The following SNTG1 variants were observed in gnomAD, a reference collection of about 807,000 sequenced individuals.
SNTG1 encodes the protein syntrophin gamma 1.
Under a neutral mutation model 74.7 loss-of-function variants are expected in SNTG1, and 39 were observed. The observed-to-expected ratio is 0.52, with a 90% CI of 0.40 to 0.68. The LOEUF is 0.68. Ranked by LOEUF, SNTG1 falls within the 30% of genes least tolerant of loss-of-function variation. SNTG1 has a pLI of 0.00. For synonymous variants in SNTG1, 254 were observed against 217.1 expected (o/e 1.17, Z -1.49); for missense variants, 685 against 609.5 (o/e 1.12, Z -1.30).
chr8:50,470,631 C>T (rs566053776), intron 8 of SNTG1, among the ~76,000 whole-genome samples: 1 of 152,230 alleles, frequency 6.6e-6, no homozygotes, highest in African/African-American at 2.4e-5. Context: ...GTGAGTGTTA[C>T]AGCTCTTAAA....
At chr8:50,642,604 TC>T (rs1339194912) in intron 13 of SNTG1, among the ~76,000 whole-genome samples, 1 of 152,134 alleles carries the variant, frequency 6.6e-6, no homozygotes, top group Non-Finnish European at 1.5e-5. Context: ...ATCCTTGCTG[TC>T]CCCTCAGCCT....
At chr8:50,001,209 C>T (rs967595422) in intron 1 of SNTG1, among the ~76,000 whole-genome samples, 3 of 151,968 alleles carry the variant, frequency 2.0e-5, no homozygotes, top group Admixed American at 6.6e-5. Flanking sequence ...AATGAGGGTT[C>T]GGTCTGTGTG....
At chr8:50,777,674 T>TC (rs1491499429) in intron 18 of SNTG1, among the ~76,000 whole-genome samples, 1 of 151,444 alleles carries the variant, frequency 6.6e-6, no homozygotes, top group Admixed American at 6.6e-5. Flanking sequence ...TTTCTTTTTT[T>TC]CTCTCTCTCT....
chr8:50,214,456 T>C (rs1309958277), intron 2 of SNTG1, among the ~76,000 whole-genome samples: 1 of 151,978 alleles, frequency 6.6e-6, no homozygotes, highest in Non-Finnish European at 1.5e-5. Flanking sequence ...ATCAAAATTT[T>C]ATATTCTCTT....
At chr8:50,781,450 A>G (rs527978802) in intron 18 of SNTG1, among the ~76,000 whole-genome samples, 2 of 151,460 alleles carry the variant, frequency 1.3e-5, no homozygotes, top group East Asian at 3.9e-4. Flanking sequence ...TCCGTTTACC[A>G]TTATGTAATG....
intron 2 of SNTG1, among the ~76,000 whole-genome samples, chr8:50,200,849 A>C (rs11778998): frequency 0.3 from 46,286 of 151,932 alleles, 7,157 homozygotes; most frequent in South Asian, 0.42. Flanking sequence ...ACCAAAAAAA[A>C]CCTCTAAGTA....
chr8:50,037,275 A>C (rs1818245946), intron 1 of SNTG1, among the ~76,000 whole-genome samples: 1 of 152,198 alleles, frequency 6.6e-6, no homozygotes, highest in African/African-American at 2.4e-5. Flanking sequence ...TCTATAGTAA[A>C]CCAGTGCTTC....
chr8:50,440,336 T>C (rs976379505), intron 5 of SNTG1, among the ~76,000 whole-genome samples: 4 of 152,024 alleles, frequency 2.6e-5, no homozygotes, highest in Admixed American at 1.3e-4. Context: ...TACTTTCTCA[T>C]ACTTACCTCT....
chr8:49,958,026 G>C (rs1428155514), intron 1 of SNTG1, among the ~76,000 whole-genome samples: 4 of 152,158 alleles, frequency 2.6e-5, no homozygotes, highest in Non-Finnish European at 4.4e-5. Context: ...AAATTCTGCT[G>C]TCCAAGTTTA....
At position 50,794,248 on chromosome 8, in the gene SNTG1, A is replaced by G. The variant is rs977439501; in HGVS notation, c.*1419A>G. On this transcript the variant is annotated 3_prime_UTR_variant, in exon 19 of 19. Transcript: ENST00000642720. ...TTTTTTTTCAAATATGTTTTTAAAA[A>G]TCACTCAAGAAGGAAACAAAGTGAT... The G allele has an allele frequency of 3.9e-5, 6 of 151,954 alleles. No homozygotes were observed. Among genetic ancestry groups the G allele is most frequent in the Admixed American group, 2.6e-4 (4 of 15,196 alleles). The allele number at this position is 151,954 out of a possible 1,614,324, so 9.4% of individuals were successfully genotyped here.
intron 1 of SNTG1, among the ~76,000 whole-genome samples, chr8:49,963,630 C>T (rs1810889737): frequency 6.6e-6 from 1 of 152,170 alleles, no homozygotes; most frequent in African/African-American, 2.4e-5. Context: ...ATTCTGTCAG[C>T]TGGGTGGAAT....
intron 8 of SNTG1, among the ~76,000 whole-genome samples, chr8:50,484,161 C>CTTCTTTCT (rs2093767931): frequency 2.5e-5 from 1 of 40,210 alleles, no homozygotes; most frequent in Non-Finnish European, 5.8e-5. Context: ...TCCTTCCTTC[C>CTTCTTTCT]TTCCTTCCTT....
chr8:50,208,626 C>G (rs1042119624), intron 2 of SNTG1, among the ~76,000 whole-genome samples: 1 of 152,182 alleles, frequency 6.6e-6, no homozygotes, highest in African/African-American at 2.4e-5. Flanking sequence ...GGTTATGTTG[C>G]TTGTTAGTTG....
rs539561087 is a variant in SNTG1, at chr8:50,003,979, G to C, written c.-103+91748G>C. Among the ~76,000 whole-genome samples, 4 of 152,238 alleles carry C rather than the reference G, an allele frequency of 2.6e-5. No homozygotes were observed. The East Asian group carries it at 7.7e-4, about 29-fold the overall frequency. ...GAATTTGCCAATGATCCAAAGTTTT[G>C]TTAGGGCTTTTACTCCTGTTTTGAT... On this transcript the variant is annotated intron_variant, in intron 1 of 18. Coordinates refer to ENST00000642720, the MANE Select transcript of SNTG1 (RefSeq NM_018967.5).
chr8:50,223,411 G>T (rs985192238), intron 2 of SNTG1, among the ~76,000 whole-genome samples: 5 of 151,970 alleles, frequency 3.3e-5, no homozygotes, highest in African/African-American at 4.8e-5. Context: ...CAAATACACA[G>T]ATGCAAAGTA....
At chr8:50,331,678 T>G (rs551845237) in intron 2 of SNTG1, among the ~76,000 whole-genome samples, 1 of 152,160 alleles carries the variant, frequency 6.6e-6, no homozygotes, top group Non-Finnish European at 1.5e-5. Context: ...GCATGAGAGA[T>G]AGCAGTAGCT....
chr8:50,170,788 T>G (rs2082777909), intron 1 of SNTG1, among the ~76,000 whole-genome samples: 1 of 152,116 alleles, frequency 6.6e-6, no homozygotes. Context: ...TTCTTTGCAT[T>G]TCTAGGACTG....
At chr8:50,211,142 C>CTGT (rs2084503729) in intron 2 of SNTG1, among the ~76,000 whole-genome samples, 1 of 151,996 alleles carries the variant, frequency 6.6e-6, no homozygotes, top group South Asian at 2.1e-4. Flanking sequence ...ACTCTAGAGG[C>CTGT]TGTGCACAAT....
intron 2 of SNTG1, among the ~76,000 whole-genome samples, chr8:50,267,203 T>C (rs2087526930): frequency 6.6e-6 from 1 of 152,142 alleles, no homozygotes; most frequent in Admixed American, 6.6e-5. Context: ...GTATGAAGGT[T>C]TTTTTAGGGT....
Sources: gnomAD v4.1 joint callset for allele counts (sites outside exome capture counted in the v4.1 genomes callset) on GRCh38, gnomAD v4.1.1 for gene constraint, MANE v1.5 for transcripts, NCBI Gene and HGNC (gene_info 2026-07-23, HGNC 2026-07-21) for gene names.